UTRN: variants seen among roughly 807,000 people sequenced by gnomAD.
UTRN encodes the protein dystrophin-related protein 1.
A neutral mutation model predicts 463.9 loss-of-function variants in UTRN; 283 were observed. That is an observed-to-expected ratio of 0.61 (90% confidence interval 0.55 to 0.67). The LOEUF (loss-of-function observed/expected upper bound fraction) is 0.67. Among genes scored for constraint, UTRN ranks in the 30% least tolerant of loss-of-function variants. UTRN has a pLI of 0.00. For synonymous variants in UTRN, 1,442 were observed against 1,431.5 expected (o/e 1.01, Z -0.17); for missense variants, 3,922 against 4,084.3 (o/e 0.96, Z 1.08).
chr6:144,497,799 G>C (rs1205760634), intron 33 of UTRN, among the ~76,000 whole-genome samples: 1 of 152,150 alleles, frequency 6.6e-6, no homozygotes, highest in Non-Finnish European at 1.5e-5. Flanking sequence ...TGATTATTCA[G>C]GTCTGGAGAA....
chr6:144,554,705 C>T lies in UTRN; in HGVS notation c.6946C>T (p.Gln2316Ter), dbSNP rs1469434696. ...ITEKLERVKN[Q>*]WDGTQHGVEL... ...ACCCTCAGTGGAAAGGGTCAAGAAC[C>T]AGTGGGATGGCACCCAGCATGGCGT... The change falls in exon 49 of 75, where the codon CAG becomes TAG. Residue 2316 changes from glutamine (Q) to a stop codon, truncating the protein, a stop_gained. Coordinates refer to ENST00000367545, the MANE Select transcript of UTRN (RefSeq NM_007124.3). LOFTEE classifies it high-confidence loss of function. 6.2e-7 allele frequency: 1 copy of T among 1,613,826 alleles called. No homozygotes were observed.
chr6:144,455,213 A>G (rs1447361728), intron 19 of UTRN, among the ~76,000 whole-genome samples: 1 of 152,192 alleles, frequency 6.6e-6, no homozygotes, highest in African/African-American at 2.4e-5. Flanking sequence ...CAATCCATTT[A>G]TTATTAATAA....
chr6:144,520,897 T>G (rs1424516051), intron 39 of UTRN, among the ~76,000 whole-genome samples: 1 of 152,200 alleles, frequency 6.6e-6, no homozygotes, highest in African/African-American at 2.4e-5. Context: ...TGGTAATACG[T>G]AGCACTTATT....
At chr6:144,624,558 C>A (rs1775760060) in intron 51 of UTRN, among the ~76,000 whole-genome samples, 1 of 152,078 alleles carries the variant, frequency 6.6e-6, no homozygotes, top group Non-Finnish European at 1.5e-5. Context: ...GAGATACTTC[C>A]AAAATTTCAG....
At chr6:144,502,335 G>A (rs1031225926) in intron 34 of UTRN, among the ~76,000 whole-genome samples, 6 of 151,374 alleles carry the variant, frequency 4.0e-5, no homozygotes, top group Non-Finnish European at 7.4e-5. Context: ...AGGTATACAC[G>A]TGCCATGGTC....
chr6:144,756,796 C>G (rs1792043724), intron 57 of UTRN, among the ~76,000 whole-genome samples: 1 of 152,102 alleles, frequency 6.6e-6, no homozygotes, highest in Admixed American at 6.6e-5. Context: ...AATTGCTCAG[C>G]TAGTGTTCAG....
intron 54 of UTRN, among the ~76,000 whole-genome samples, chr6:144,744,985 C>A (rs1362165444): frequency 6.6e-6 from 1 of 152,156 alleles, no homozygotes; most frequent in Non-Finnish European, 1.5e-5. Flanking sequence ...ACCTGGGGAG[C>A]TTTGGCATCT....
intron 58 of UTRN, among the ~76,000 whole-genome samples, chr6:144,761,568 C>G (rs1792684860): frequency 6.6e-6 from 1 of 151,974 alleles, no homozygotes. Flanking sequence ...ATCACTTGAG[C>G]CCGGGAGGTC....
intron 69 of UTRN, among the ~76,000 whole-genome samples, chr6:144,834,709 G>A (rs1780958837): frequency 6.6e-6 from 1 of 152,168 alleles, no homozygotes; most frequent in Non-Finnish European, 1.5e-5. Flanking sequence ...CACACACCAG[G>A]TTCTTTCTGG....
At chr6:144,389,842 G>A (rs149863523) in intron 2 of UTRN, among the ~76,000 whole-genome samples, 2 of 152,218 alleles carry the variant, frequency 1.3e-5, no homozygotes, top group East Asian at 1.9e-4. Context: ...CAGATGATCC[G>A]CCCATCCTGG....
chr6:144,848,029 A>T (rs1434288405), intron 74 of UTRN, among the ~76,000 whole-genome samples: 1 of 152,316 alleles, frequency 6.6e-6, no homozygotes, highest in South Asian at 2.1e-4. Flanking sequence ...TGGGATCTTA[A>T]CTAAAAGACA....
chr6:144,398,067 G>A lies in UTRN; in HGVS notation c.80-5056G>A, dbSNP rs183034000. 1.1e-3 allele frequency: 260 copies of A among 241,192 alleles called. 9 individuals are homozygous for A. In the Middle Eastern group the frequency reaches 0.018, roughly 16 times the overall value. The allele number at this position is 241,192 out of a possible 1,614,324, so 14.9% of individuals were successfully genotyped here. A position where few individuals can be genotyped will look rare whatever the true frequency, so the allele number is the denominator to read the frequency against. On this transcript the variant is annotated intron_variant, in intron 2 of 74. Coordinates refer to ENST00000367545, the MANE Select transcript of UTRN (RefSeq NM_007124.3). ...ATTGGCATTTGTATTTCAATATGGC[G>A]TCCGTGCTCTGGAAAGGAATAATCT...
At chr6:144,812,114 G>A (rs1017246503) in intron 65 of UTRN, among the ~76,000 whole-genome samples, 2 of 152,158 alleles carry the variant, frequency 1.3e-5, no homozygotes, top group Non-Finnish European at 2.9e-5. Context: ...AAAAAAAGTT[G>A]TGGGGAGAAT....
At chr6:144,531,246 G>A in intron 42 of UTRN, 44 bp downstream of exon 42, 1 of 1,567,584 alleles carries the variant, frequency 6.4e-7, no homozygotes, top group South Asian at 1.2e-5. Context: ...CATATGGTTA[G>A]TGTATGCCTG....
chr6:144,341,128 A>G (rs1777108796), intron 2 of UTRN, among the ~76,000 whole-genome samples: 1 of 152,238 alleles, frequency 6.6e-6, no homozygotes, highest in South Asian at 2.1e-4. Context: ...GGTCAATTTC[A>G]TAGTCAGCTC....
chr6:144,848,430 A>T (rs1400577656), intron 74 of UTRN, among the ~76,000 whole-genome samples: 1 of 152,172 alleles, frequency 6.6e-6, no homozygotes, highest in African/African-American at 2.4e-5. Context: ...AGAGGCAAAG[A>T]AGTGATTATA....
chr6:144,718,332 A>G (rs137929990), intron 53 of UTRN, among the ~76,000 whole-genome samples: 47 of 152,126 alleles, frequency 3.1e-4, no homozygotes, highest in Non-Finnish European at 6.0e-4. Context: ...TTAGCCTGGT[A>G]TGGTGGCATG....
At chr6:144,356,849 A>G (rs1167272252) in intron 2 of UTRN, among the ~76,000 whole-genome samples, 6 of 136,718 alleles carry the variant, frequency 4.4e-5, no homozygotes, top group Non-Finnish European at 7.7e-5. Flanking sequence ...AAATAAATAT[A>G]TGTGTGTGTG....
At chr6:144,463,062 A>G (rs2128562155) in intron 23 of UTRN, among the ~76,000 whole-genome samples, 196 bp downstream of exon 23, 1 of 152,344 alleles carries the variant, frequency 6.6e-6, no homozygotes, top group African/African-American at 2.4e-5. Context: ...GCCTGGAAGC[A>G]AAGTCAAAAG....
Sources: gnomAD v4.1 joint callset for allele counts (sites outside exome capture counted in the v4.1 genomes callset) on GRCh38, gnomAD v4.1.1 for gene constraint, MANE v1.5 for transcripts, NCBI Gene and HGNC (gene_info 2026-07-23, HGNC 2026-07-21) for gene names.